RSRC1: variants seen among roughly 807,000 people sequenced by gnomAD.
RSRC1 encodes arginine and serine rich coiled-coil 1.
RSRC1 carries 39 observed loss-of-function variants against 49.1 expected under a neutral mutation model. The observed-to-expected ratio is 0.79, with a 90% CI of 0.61 to 1.04. The LOEUF is 1.04. RSRC1 is among the 50% of genes least tolerant of loss of function. The probability of loss-of-function intolerance (pLI) is 0.00; values close to 1 mark genes in which losing one functional copy is unlikely to be tolerated. For missense variants in RSRC1, 388 were observed against 402.4 expected, an observed-to-expected ratio of 0.96 and a Z score of 0.31; for synonymous variants, 143 against 130.8, an observed-to-expected ratio of 1.09 and a Z score of -0.63.
chr3:158,489,057 G>C (rs1203719304), intron 7 of RSRC1, among the ~76,000 whole-genome samples: 1 of 152,106 alleles, frequency 6.6e-6, no homozygotes, highest in Non-Finnish European at 1.5e-5. Context: ...AACACGCTAA[G>C]TTTTAAGAAA....
At chr3:158,288,528 T>C (rs1484987918) in intron 4 of RSRC1, among the ~76,000 whole-genome samples, 1 of 152,182 alleles carries the variant, frequency 6.6e-6, no homozygotes, top group African/African-American at 2.4e-5. Flanking sequence ...AAGTACCAGA[T>C]AGGTAGCATG....
chr3:158,113,470 G>T (rs1049759752), intron 1 of RSRC1, among the ~76,000 whole-genome samples: 4 of 151,070 alleles, frequency 2.6e-5, no homozygotes, highest in Non-Finnish European at 5.9e-5. Context: ...CCTGGTTCAA[G>T]CAACTCTCCT....
intron 4 of RSRC1, among the ~76,000 whole-genome samples, chr3:158,290,015 A>G (rs1190950680): frequency 3.9e-5 from 6 of 152,196 alleles, no homozygotes; most frequent in Non-Finnish European, 1.5e-5. Flanking sequence ...TTACAGTTGA[A>G]ATGGATTTCA....
At chr3:158,426,026 A>C (rs1222365821) in intron 6 of RSRC1, among the ~76,000 whole-genome samples, 2 of 151,686 alleles carry the variant, frequency 1.3e-5, no homozygotes, top group Admixed American at 6.6e-5. Context: ...CATATAAGTG[A>C]GGGAAGATGG....
At chr3:158,370,951 G>A (rs1394215478) in intron 6 of RSRC1, among the ~76,000 whole-genome samples, 8 of 151,780 alleles carry the variant, frequency 5.3e-5, no homozygotes, top group Admixed American at 3.3e-4. Context: ...ACTTGGTGGT[G>A]TTGGCTTTTT....
intron 7 of RSRC1, among the ~76,000 whole-genome samples, chr3:158,477,905 GT>G (rs1350397330): frequency 6.7e-6 from 1 of 148,274 alleles, no homozygotes; most frequent in East Asian, 2.0e-4. Flanking sequence ...ATACTTTCCT[GT>G]TTTCTTTTTT....
At chr3:158,543,749 C>CTTTTTT (rs34676157) in intron 9 of RSRC1, 1 of 253,344 alleles carries the variant, frequency 3.9e-6, no homozygotes. Flanking sequence ...GCATTTTTTC[C>CTTTTTT]TTTTTTTTTT....
intron 3 of RSRC1, among the ~76,000 whole-genome samples, chr3:158,198,533 T>C (rs1354230628): frequency 6.6e-6 from 1 of 152,208 alleles, no homozygotes; most frequent in African/African-American, 2.4e-5. Context: ...CCTGTCATTA[T>C]GATGTTAGCT....
intron 6 of RSRC1, among the ~76,000 whole-genome samples, chr3:158,430,631 A>G (rs1233351929): frequency 1.3e-5 from 2 of 151,922 alleles, no homozygotes; most frequent in Non-Finnish European, 2.9e-5. Context: ...CAATAGGGAA[A>G]TACAGATATG....
intron 7 of RSRC1, among the ~76,000 whole-genome samples, chr3:158,463,472 T>G (rs1737723587): frequency 6.6e-6 from 1 of 152,102 alleles, no homozygotes; most frequent in Non-Finnish European, 1.5e-5. Flanking sequence ...ATAAAAATCC[T>G]TTATTTTCAG....
chr3:158,125,409 A>G (rs1415998655), intron 3 of RSRC1, among the ~76,000 whole-genome samples: 1 of 151,718 alleles, frequency 6.6e-6, no homozygotes, highest in Non-Finnish European at 1.5e-5. Context: ...AAGTTTTACT[A>G]TGTGTGTTTG....
At chr3:158,469,642 A>C (rs779837223) in intron 7 of RSRC1, 63 of 153,148 alleles carry the variant, frequency 4.1e-4, no homozygotes, top group Non-Finnish European at 7.1e-4. Flanking sequence ...GTTATCTTAC[A>C]TTTAATTTTT....
intron 1 of RSRC1, among the ~76,000 whole-genome samples, chr3:158,115,988 A>G (rs1338015291): frequency 1.3e-5 from 2 of 152,188 alleles, no homozygotes; most frequent in African/African-American, 4.8e-5. Context: ...TTACCCACGC[A>G]TGGTTTTGTG....
chr3:158,198,443 A>T (rs959184955), intron 3 of RSRC1, among the ~76,000 whole-genome samples: 2 of 151,976 alleles, frequency 1.3e-5, no homozygotes, highest in Admixed American at 6.6e-5. Flanking sequence ...GACTCTACCC[A>T]CCTTGCCAGT....
chr3:158,144,718 C>T (rs1349637738), intron 3 of RSRC1, among the ~76,000 whole-genome samples: 1 of 152,148 alleles, frequency 6.6e-6, no homozygotes, highest in African/African-American at 2.4e-5. Context: ...ACACTGACTT[C>T]CACAATGGTT....
chr3:158,450,146 A>G (rs1400412314), intron 6 of RSRC1, among the ~76,000 whole-genome samples: 2 of 151,984 alleles, frequency 1.3e-5, no homozygotes, highest in Non-Finnish European at 2.9e-5. Context: ...AGTGATTAGG[A>G]ACAATGATAA....
chr3:158,183,297 TC>T (rs1391098839), intron 3 of RSRC1, among the ~76,000 whole-genome samples: 1 of 152,088 alleles, frequency 6.6e-6, no homozygotes, highest in Non-Finnish European at 1.5e-5. Flanking sequence ...AATTATTTTT[TC>T]AATGCTAAGT....
intron 6 of RSRC1, among the ~76,000 whole-genome samples, chr3:158,416,837 T>C (rs1734760891): frequency 6.6e-6 from 1 of 152,060 alleles, no homozygotes; most frequent in Non-Finnish European, 1.5e-5. Flanking sequence ...TTAGAAGTAA[T>C]TCTCAGAACT....
chr3:158,370,547 T>A (rs1732011022), intron 6 of RSRC1, among the ~76,000 whole-genome samples: 1 of 151,998 alleles, frequency 6.6e-6, no homozygotes, highest in African/African-American at 2.4e-5. Context: ...TCACTTGGTG[T>A]AATGCTTTTT....
Sources: gnomAD v4.1 joint callset for allele counts (sites outside exome capture counted in the v4.1 genomes callset) on GRCh38, gnomAD v4.1.1 for gene constraint, MANE v1.5 for transcripts, NCBI Gene and HGNC (gene_info 2026-07-23, HGNC 2026-07-21) for gene names.